SCFD2: variants seen among roughly 807,000 people sequenced by gnomAD.
SCFD2 encodes sec1 family domain-containing protein 2.
In SCFD2, 54 loss-of-function variants were observed where a neutral mutation model predicts 58.9. The ratio of observed to expected loss-of-function variants is 0.92; its 90% CI spans 0.74 to 1.15. The LOEUF (loss-of-function observed/expected upper bound fraction) is 1.15. Ranked by LOEUF, SCFD2 falls within the 50% of genes most tolerant of loss-of-function variation. The pLI is 0.00. For synonymous variants in SCFD2, 321 were observed against 335.9 expected (o/e 0.96, Z 0.49); for missense variants, 805 against 836.6 (o/e 0.96, Z 0.47).
chr4:53,085,651 T>C (rs1156400298), intron 5 of SCFD2, among the ~76,000 whole-genome samples: 1 of 152,160 alleles, frequency 6.6e-6, no homozygotes, highest in African/African-American at 2.4e-5. Flanking sequence ...AGAGCTATAG[T>C]AACCAAAATA....
At chr4:52,937,688 A>G (rs537570960) in intron 5 of SCFD2, among the ~76,000 whole-genome samples, 3 of 152,138 alleles carry the variant, frequency 2.0e-5, no homozygotes. Flanking sequence ...GAGGCTCAAT[A>G]TTGTAATGCC....
At chr4:53,016,387 C>T (rs1411810566) in intron 5 of SCFD2, among the ~76,000 whole-genome samples, 1 of 152,176 alleles carries the variant, frequency 6.6e-6, no homozygotes, top group East Asian at 1.9e-4. Flanking sequence ...TTTTGATTAA[C>T]ACTCCTGGAT....
chr4:53,026,286 A>C (rs1192841887), intron 5 of SCFD2, among the ~76,000 whole-genome samples: 1 of 152,192 alleles, frequency 6.6e-6, no homozygotes, highest in Admixed American at 6.5e-5. Flanking sequence ...TAGAAAGGAA[A>C]ACTTGCCCAG....
At chr4:53,047,345 G>T (rs1723067242) in intron 5 of SCFD2, among the ~76,000 whole-genome samples, 5 of 152,220 alleles carry the variant, frequency 3.3e-5, no homozygotes. Flanking sequence ...CTACTTGAGA[G>T]GCTGAGGTGG....
At chr4:52,979,935 A>G (rs1721338664) in intron 5 of SCFD2, among the ~76,000 whole-genome samples, 1 of 151,892 alleles carries the variant, frequency 6.6e-6, no homozygotes, top group Non-Finnish European at 1.5e-5. Context: ...TGTTCCCCTC[A>G]TTTAGGTTCT....
chr4:53,229,479 T>G (rs1265100100), intron 4 of SCFD2, among the ~76,000 whole-genome samples: 1 of 152,180 alleles, frequency 6.6e-6, no homozygotes, highest in Non-Finnish European at 1.5e-5. Context: ...TATCTACAAC[T>G]ATCTGATCTT....
chr4:52,935,635 G>A (rs938617018), intron 5 of SCFD2, among the ~76,000 whole-genome samples: 3 of 152,148 alleles, frequency 2.0e-5, no homozygotes, highest in Admixed American at 6.6e-5. Context: ...GTGTCTCACC[G>A]CTGTCTGATA....
Position 52,873,964 on chromosome 4 carries a change from G to C in SCFD2, c.*5C>G. ...TTGAGTAGGTCTTATCTTCTTAGCG[G>C]ATGCTCAGAAGCCAAGGTCTGGATG... On this transcript the variant is annotated 3_prime_UTR_variant, in exon 9 of 9. Transcript: ENST00000401642. The C allele has an allele frequency of 6.2e-7, 1 of 1,606,104 alleles. No homozygotes were observed. The highest frequency in any genetic ancestry group is 8.5e-7 in the Non-Finnish European group (1 of 1,172,852).
intron 5 of SCFD2, among the ~76,000 whole-genome samples, chr4:53,144,886 G>C (rs1726276203): frequency 6.6e-6 from 1 of 152,162 alleles, no homozygotes; most frequent in Non-Finnish European, 1.5e-5. Flanking sequence ...CTGGGCTGCA[G>C]ACAGGTACCC....
intron 5 of SCFD2, among the ~76,000 whole-genome samples, chr4:52,932,650 T>C (rs768850575): frequency 1.3e-5 from 2 of 152,148 alleles, no homozygotes; most frequent in Non-Finnish European, 2.9e-5. Context: ...CTAAAGTTCC[T>C]TTCATCCCTT....
intron 5 of SCFD2, among the ~76,000 whole-genome samples, chr4:52,944,023 A>G (rs1720357845): frequency 6.6e-6 from 1 of 152,212 alleles, no homozygotes; most frequent in South Asian, 2.1e-4. Flanking sequence ...TATTTAGCAG[A>G]TAAACCCTTA....
chr4:52,954,064 A>T (rs558802251), intron 5 of SCFD2, among the ~76,000 whole-genome samples: 1 of 152,296 alleles, frequency 6.6e-6, no homozygotes, highest in South Asian at 2.1e-4. Context: ...TACTCATGGC[A>T]TGGGGTTGCT....
intron 5 of SCFD2, among the ~76,000 whole-genome samples, chr4:53,105,891 C>A (rs571837602): frequency 6.6e-6 from 1 of 151,362 alleles, no homozygotes; most frequent in African/African-American, 2.4e-5. Flanking sequence ...CCCCCCGCCT[C>A]CTGACTGGGA....
intron 5 of SCFD2, among the ~76,000 whole-genome samples, chr4:53,036,691 CAG>C (rs1722769065): frequency 6.6e-6 from 1 of 151,816 alleles, no homozygotes. Context: ...CGGGGCCTGT[CAG>C]GGGGTGTGGG....
chr4:53,338,546 T>C (rs913108039), intron 2 of SCFD2, among the ~76,000 whole-genome samples: 3 of 147,912 alleles, frequency 2.0e-5, no homozygotes, highest in African/African-American at 5.0e-5. Flanking sequence ...ATAAAAAAGA[T>C]GGAGGCCAAA....
chr4:53,327,176 A>AGG (rs935525053), intron 2 of SCFD2, among the ~76,000 whole-genome samples: 8 of 151,670 alleles, frequency 5.3e-5, no homozygotes, highest in African/African-American at 1.9e-4. Context: ...CGTCTTGGGG[A>AGG]GGGTTGGTAG....
intron 5 of SCFD2, among the ~76,000 whole-genome samples, chr4:53,103,894 A>G (rs1262130386): frequency 7.7e-6 from 1 of 129,772 alleles, no homozygotes; most frequent in Non-Finnish European, 1.6e-5. Flanking sequence ...GAACAATATG[A>G]GCTAAAAAAA....
chr4:52,891,762 C>T (rs533389030), intron 7 of SCFD2, among the ~76,000 whole-genome samples: 72 of 152,360 alleles, frequency 4.7e-4, no homozygotes, highest in African/African-American at 1.6e-3. Context: ...CAAAAGGTTT[C>T]CATGCTGCTA....
chr4:53,297,351 T>C (rs1188875250), intron 3 of SCFD2, among the ~76,000 whole-genome samples: 2 of 152,224 alleles, frequency 1.3e-5, no homozygotes, highest in Admixed American at 6.5e-5. Context: ...TTACTATAGT[T>C]AGCTCTTCTT....
Sources: allele counts gnomAD v4.1 joint callset (sites outside exome capture counted in the v4.1 genomes callset), GRCh38; gene constraint gnomAD v4.1.1; transcripts MANE v1.5; gene names NCBI Gene and HGNC (gene_info 2026-07-23, HGNC 2026-07-21).